SPON1: variants seen among roughly 807,000 people sequenced by gnomAD.
SPON1 encodes the protein spondin 1.
A neutral mutation model predicts 111.7 loss-of-function variants in SPON1; 52 were observed. The ratio of observed to expected loss-of-function variants is 0.47; its 90% CI spans 0.37 to 0.59. The LOEUF is 0.59. Among genes scored for constraint, SPON1 ranks in the 20% least tolerant of loss-of-function variants. SPON1 has a pLI of 0.00. For missense variants in SPON1, 957 were observed against 1,068.5 expected, an observed-to-expected ratio of 0.90 and a Z score of 1.46; for synonymous variants, 410 against 395.8, an observed-to-expected ratio of 1.04 and a Z score of -0.43.
chr11:14,073,664 C>T (rs533974207), intron 3 of SPON1, among the ~76,000 whole-genome samples: 9 of 152,318 alleles, frequency 5.9e-5, no homozygotes, highest in South Asian at 2.1e-4. Context: ...TCCTGCACTC[C>T]GTGGACTTCC....
intron 5 of SPON1, among the ~76,000 whole-genome samples, chr11:14,090,823 G>GCCCC (rs1360339677): frequency 1.1e-4 from 3 of 27,054 alleles, no homozygotes; most frequent in African/African-American, 8.0e-4. Context: ...TCTCTTATCT[G>GCCCC]GCCCCCCCCC....
rs115282465 is a variant in SPON1 at position 14,058,938 on chromosome 11, G to A, written c.480-16407G>A. Among the ~76,000 whole-genome samples, 987 of 152,306 alleles carry A rather than the reference G, an allele frequency of 6.5e-3. 10 individuals are homozygous for A. The highest frequency in any genetic ancestry group is 0.022 in the African/African-American group (925 of 41,566). On this transcript the variant is annotated intron_variant, in intron 3 of 15. Transcript: ENST00000576479. ...GCTTTTGATCTACCACAATGCCAGA[G>A]TACATCTTTAACAAGGCTGAATCCT...
rs966510835 is a variant in SPON1 at position 14,130,298 on chromosome 11, G to A, written c.677-5122G>A. ...ATGGACTCTGGAAACAAAGAAATTAGATGAAAAAGAATTTCAGGGCTAGGT... is the reference window on the plus strand; with the variant it reads ...ATGGACTCTGGAAACAAAGAAATTAAATGAAAAAGAATTTCAGGGCTAGGT... On this transcript the variant is annotated intron_variant, in intron 5 of 15. Coordinates refer to ENST00000576479, the MANE Select transcript of SPON1 (RefSeq NM_006108.4). Among the ~76,000 whole-genome samples, 8 of 152,150 alleles carry A rather than the reference G, an allele frequency of 5.3e-5. No individual in the cohort carries two copies. The South Asian group carries it at 1.0e-3, about 20-fold the overall frequency.
At chr11:14,215,771 C>T (rs1028205339) in intron 6 of SPON1, among the ~76,000 whole-genome samples, 12 of 152,200 alleles carry the variant, frequency 7.9e-5, no homozygotes, top group African/African-American at 2.7e-4. Context: ...AAGTATATTT[C>T]CCCTTGTACA....
In SPON1 at chr11:14,041,572, A is replaced by G; in HGVS notation, c.397A>G (p.Thr133Ala). Residue 133 changes from threonine (T) to alanine (A), a missense_variant, in exon 3 of 16, where the codon ACT becomes GCT. Transcript: ENST00000576479. ...TATGAGCAATTGCCCTGTTGCAGTC[A>G]CTGAAAGCACTCCACGGAGGAGGAC... ...QFMSNCPVAVTESTPRRRTRI... is the reference protein window; with the variant it reads ...QFMSNCPVAVAESTPRRRTRI... The G allele has an allele frequency of 6.2e-7, 1 of 1,613,990 alleles. No individual in the cohort carries two copies. The highest frequency in any genetic ancestry group is 1.7e-5 in the Admixed American group (1 of 60,022).
chr11:14,112,875 G>A (rs976684428), intron 5 of SPON1, among the ~76,000 whole-genome samples: 1 of 152,110 alleles, frequency 6.6e-6, no homozygotes, highest in Non-Finnish European at 1.5e-5. Flanking sequence ...ATTGCTGCCA[G>A]ACCTGCCTGA....
rs141246178 is a variant in SPON1 at position 14,162,083 on chromosome 11, G to A, written c.825+26515G>A. Among the ~76,000 whole-genome samples, 745 of 151,732 alleles carry A rather than the reference G, an allele frequency of 4.9e-3. 11 individuals carry two copies. The highest frequency in any genetic ancestry group is 0.017 in the African/African-American group (687 of 41,318). On this transcript the variant is annotated intron_variant, in intron 6 of 15. Coordinates refer to ENST00000576479, the MANE Select transcript of SPON1 (RefSeq NM_006108.4). Reference sequence around the variant, plus strand: ...TGAGGCATGAGAATCACTTGAACCCGGGAGGCAGAGGTTGCAGCGAGCTGA... The same window carrying A: ...TGAGGCATGAGAATCACTTGAACCCAGGAGGCAGAGGTTGCAGCGAGCTGA...
At chr11:14,094,335 G>GT (rs1849082583) in intron 5 of SPON1, among the ~76,000 whole-genome samples, 2 of 151,932 alleles carry the variant, frequency 1.3e-5, no homozygotes, top group East Asian at 3.9e-4. Flanking sequence ...AAAGGATATG[G>GT]ATTTTTCTTT....
In SPON1 at chr11:14,229,633, T is replaced by A. The variant is rs577603557; in HGVS notation, c.826-13699T>A. Among the ~76,000 whole-genome samples, 194 of 152,310 alleles carry A rather than the reference T, an allele frequency of 1.3e-3. 1 individual carries two copies. The highest frequency in any genetic ancestry group is 4.4e-3 in the African/African-American group (183 of 41,578). On this transcript the variant is annotated intron_variant, in intron 6 of 15. Transcript: ENST00000576479. Reference sequence around the variant, plus strand: ...GAACAAGCTCCACAAGGGCAGTCTGTCTGGTCTACTGCCCTGTGACGGGAG... The same window carrying A: ...GAACAAGCTCCACAAGGGCAGTCTGACTGGTCTACTGCCCTGTGACGGGAG...
At chr11:14,019,273 C>G (rs1422678236) in intron 2 of SPON1, among the ~76,000 whole-genome samples, 1 of 151,814 alleles carries the variant, frequency 6.6e-6, no homozygotes, top group Non-Finnish European at 1.5e-5. Flanking sequence ...GTTCAGTTTT[C>G]TCACTAATAA....
At position 13,982,917 on chromosome 11, in the gene SPON1, G is replaced by C. The variant is rs782653308; in HGVS notation, c.309G>C (p.Glu103Asp). ...FTLIALRENREGDKEEDHAGT... is the reference protein window; with the variant it reads ...FTLIALRENRDGDKEEDHAGT... ...TAATTGCCCTCAGAGAGAACAGAGAGGGTGATAAGGAAGAAGACCATGCTG... is the reference window on the plus strand; with the variant it reads ...TAATTGCCCTCAGAGAGAACAGAGACGGTGATAAGGAAGAAGACCATGCTG... Residue 103 changes from glutamate (E) to aspartate (D), a missense_variant, in exon 2 of 16, where the codon GAG becomes GAC. By Grantham distance (45) the Glu-to-Asp change is conservative. Coordinates refer to ENST00000576479, the MANE Select transcript of SPON1 (RefSeq NM_006108.4). 6 of 1,558,262 alleles carry C rather than the reference G, an allele frequency of 3.9e-6. No homozygotes were observed. In the South Asian group the frequency reaches 7.1e-5, roughly 18 times the overall value.
intron 2 of SPON1, among the ~76,000 whole-genome samples, chr11:14,013,036 TC>T (rs1380647290): frequency 2.0e-5 from 3 of 152,226 alleles, no homozygotes; most frequent in African/African-American, 7.2e-5. Flanking sequence ...TGAGTCTGTT[TC>T]TAACGGCAAC....
At chr11:13,974,246 C>T (rs574437524) in intron 1 of SPON1, among the ~76,000 whole-genome samples, 1 of 152,188 alleles carries the variant, frequency 6.6e-6, no homozygotes, top group East Asian at 1.9e-4. Context: ...TAAGTTAAAG[C>T]AGAAGCTGAC....
chr11:13,963,134 G>A lies in SPON1; in HGVS notation c.230G>A (p.Ser77Asn), dbSNP rs1554907695. The A allele has an allele frequency of 6.6e-7, 1 of 1,507,098 alleles. No homozygotes were observed. The highest frequency in any genetic ancestry group is 8.9e-7 in the Non-Finnish European group (1 of 1,124,690). 93.4% of individuals were successfully genotyped at this position (1,507,098 alleles called of 1,614,324 possible). A position where few individuals can be genotyped will look rare whatever the true frequency, so the allele number is the denominator to read the frequency against. ...CCCGACTTCTACAAGCCGGGAACCA[G>A]CTACCGCGGTAAGTGGCCGCCCGGC... is the stretch of plus-strand genomic sequence containing the variant. ...GDPDFYKPGT[S>N]YRVTLSAAPP... Residue 77 changes from serine to asparagine, a missense_variant, in exon 1 of 16, where the codon AGC (serine) becomes AAC (asparagine). Transcript: ENST00000576479.
intron 2 of SPON1, among the ~76,000 whole-genome samples, chr11:14,031,557 A>G (rs1848559273): frequency 6.6e-6 from 1 of 152,190 alleles, no homozygotes; most frequent in Non-Finnish European, 1.5e-5. Context: ...AAGAAACAAG[A>G]CACATTATAT....
intron 5 of SPON1, among the ~76,000 whole-genome samples, chr11:14,116,447 A>AT (rs200461241): frequency 6.6e-6 from 1 of 151,368 alleles, no homozygotes; most frequent in Non-Finnish European, 1.5e-5. Flanking sequence ...GTCTTTCTGA[A>AT]TTTTTTTTTA....
intron 6 of SPON1, among the ~76,000 whole-genome samples, chr11:14,167,738 C>T (rs1192333687): frequency 6.6e-6 from 1 of 151,936 alleles, no homozygotes; most frequent in Non-Finnish European, 1.5e-5. Flanking sequence ...TCTAAGAAAA[C>T]CCTGTTACTT....
chr11:14,121,932 T>C (rs891884917), intron 5 of SPON1, among the ~76,000 whole-genome samples: 20 of 152,114 alleles, frequency 1.3e-4, no homozygotes, highest in African/African-American at 4.8e-4. Context: ...CATTGTCTTC[T>C]AGTTTGCCTT....
chr11:14,202,815 G>C (rs1307864792), intron 6 of SPON1, among the ~76,000 whole-genome samples: 4 of 152,004 alleles, frequency 2.6e-5, no homozygotes, highest in Non-Finnish European at 5.9e-5. Context: ...AAGTTTCAAG[G>C]CCATCTCACT....
Sources: gnomAD v4.1 joint callset for allele counts (sites outside exome capture counted in the v4.1 genomes callset) on GRCh38, gnomAD v4.1.1 for gene constraint, MANE v1.5 for transcripts, NCBI Gene and HGNC (gene_info 2026-07-23, HGNC 2026-07-21) for gene names.